The following BFSP1 variants were observed in gnomAD, a reference collection of about 807,000 sequenced individuals.
The protein encoded by BFSP1 is beaded filament structural protein 1.
In BFSP1, 38 loss-of-function variants were observed where a neutral mutation model predicts 43.9. The observed-to-expected ratio is 0.87, with a 90% CI of 0.67 to 1.14. The LOEUF is 1.14. Ranked by LOEUF, BFSP1 falls within the 50% of genes most tolerant of loss-of-function variation. The probability of loss-of-function intolerance (pLI) is 0.00; values close to 1 mark genes in which losing one functional copy is unlikely to be tolerated. For synonymous variants in BFSP1, 352 were observed against 354.8 expected, an observed-to-expected ratio of 0.99 and a Z score of 0.09; for missense variants, 850 against 875.1, an observed-to-expected ratio of 0.97 and a Z score of 0.36.
chr20:17,540,301 G>A (rs1206498856), intron 1 of BFSP1, among the ~76,000 whole-genome samples: 2 of 151,988 alleles, frequency 1.3e-5, no homozygotes, highest in Non-Finnish European at 2.9e-5. Context: ...TGAAATTTAT[G>A]TCATCAGGCT....
At chr20:17,534,249 T>A (rs1251421932), upstream of BFSP1, among the ~76,000 whole-genome samples, 1 of 152,230 alleles carries the variant, frequency 6.6e-6, no homozygotes, top group Non-Finnish European at 1.5e-5. Context: ...CTAAATACAG[T>A]TGAATGGCAC....
intron 6 of BFSP1, among the ~76,000 whole-genome samples, chr20:17,498,304 G>A (rs547640268): frequency 6.6e-6 from 1 of 152,338 alleles, no homozygotes; most frequent in Non-Finnish European, 1.5e-5. Flanking sequence ...TCGACTCACA[G>A]CTCCATTATG....
chr20:17,520,207 C>T (rs1162840530), intron 2 of BFSP1, among the ~76,000 whole-genome samples: 4 of 139,108 alleles, frequency 2.9e-5, no homozygotes, highest in African/African-American at 5.3e-5. Flanking sequence ...TGGGTTTTAA[C>T]GTGCCCCCCC....
intron 1 of BFSP1, among the ~76,000 whole-genome samples, chr20:17,528,005 T>A (rs1447076822): frequency 6.6e-6 from 1 of 152,194 alleles, no homozygotes; most frequent in Non-Finnish European, 1.5e-5. Flanking sequence ...AACTGCCAGG[T>A]AGAGACTATG....
chr20:17,563,946 C>A (rs1356604720), upstream of BFSP1, among the ~76,000 whole-genome samples: 2 of 150,894 alleles, frequency 1.3e-5, no homozygotes, highest in Non-Finnish European at 2.9e-5. Flanking sequence ...CTTCTTACTG[C>A]CTAAAATGTG....
At chr20:17,498,556 C>A (rs970749793) in intron 6 of BFSP1, among the ~76,000 whole-genome samples, 2 of 152,162 alleles carry the variant, frequency 1.3e-5, no homozygotes, top group African/African-American at 4.8e-5. Flanking sequence ...CCTTTTCTGA[C>A]CACCCTACTT....
Position 17,531,339 on chromosome 20 carries a change from G to GGCGCGGGC in BFSP1, c.-18_-11dup, listed in dbSNP as rs1337498937. Reference sequence around the variant, plus strand: ...AGCTGCGCCGGTACATGGCTGCTCTGGCGCGGGCGCGCGGGCGGCGCCGAG... The same window carrying GGCGCGGGC: ...AGCTGCGCCGGTACATGGCTGCTCTGGCGCGGGCGCGCGGGCGCGCGGGCGGCGCCGAG... On this transcript the variant is annotated 5_prime_UTR_variant, in exon 1 of 8. Coordinates refer to ENST00000377873, the MANE Select transcript of BFSP1 (RefSeq NM_001195.5). 8 of 1,390,868 alleles carry GGCGCGGGC rather than the reference G, an allele frequency of 5.8e-6. No individual in the cohort carries two copies. Among genetic ancestry groups the GGCGCGGGC allele is most frequent in the East Asian group, 3.1e-5 (1 of 32,244 alleles). 86.2% of individuals were successfully genotyped at this position (1,390,868 alleles called of 1,614,324 possible).
intron 2 of BFSP1, among the ~76,000 whole-genome samples, chr20:17,520,946 T>TA (rs1250898055): frequency 3.9e-5 from 6 of 152,230 alleles, no homozygotes; most frequent in Non-Finnish European, 7.3e-5. Context: ...TAAATATTTT[T>TA]AAAATTGTTT....
chr20:17,545,147 G>C (rs2034778987), intron 1 of BFSP1, among the ~76,000 whole-genome samples: 1 of 152,156 alleles, frequency 6.6e-6, no homozygotes, highest in African/African-American at 2.4e-5. Context: ...GCAAAAGGGA[G>C]GTAGCACAAG....
At chr20:17,558,107 T>A (rs1279656478) in intron 1 of BFSP1, among the ~76,000 whole-genome samples, 1 of 151,588 alleles carries the variant, frequency 6.6e-6, no homozygotes, top group Admixed American at 6.6e-5. Flanking sequence ...TAGCATCTTA[T>A]ACACACAAAG....
chr20:17,568,284 G>A (rs147063570), intron 1 of BFSP1, among the ~76,000 whole-genome samples: 2 of 152,224 alleles, frequency 1.3e-5, no homozygotes, highest in Non-Finnish European at 2.9e-5. Context: ...CCTAACTCTG[G>A]TGGCAGAGTG....
At chr20:17,504,251 G>A (rs1030971132) in intron 5 of BFSP1, among the ~76,000 whole-genome samples, 1 of 152,326 alleles carries the variant, frequency 6.6e-6, no homozygotes, top group East Asian at 1.9e-4. Flanking sequence ...GCTGAGTCCA[G>A]TGAAGTGATG....
chr20:17,548,886 T>C (rs975801245), intron 1 of BFSP1, among the ~76,000 whole-genome samples: 2 of 152,146 alleles, frequency 1.3e-5, no homozygotes, highest in Non-Finnish European at 2.9e-5. Context: ...TAGCTCACTA[T>C]AGCCTCAAAC....
chr20:17,545,370 TA>T (rs2034783112), intron 1 of BFSP1, among the ~76,000 whole-genome samples: 1 of 152,202 alleles, frequency 6.6e-6, no homozygotes, highest in Admixed American at 6.5e-5. Flanking sequence ...AACAAGGCTG[TA>T]AATTAATTGT....
intron 1 of BFSP1, among the ~76,000 whole-genome samples, chr20:17,526,879 A>C (rs1202247065): frequency 6.6e-6 from 1 of 152,194 alleles, no homozygotes; most frequent in Non-Finnish European, 1.5e-5. Flanking sequence ...AATTGGTCTG[A>C]AGTGGGTCAA....
At chr20:17,559,608 C>T (rs112576055), upstream of BFSP1, among the ~76,000 whole-genome samples, 1,129 of 152,246 alleles carry the variant, frequency 7.4e-3, 14 homozygotes, top group African/African-American at 0.026. Flanking sequence ...TGGTCTGTGG[C>T]CTGTTAGGAA....
At chr20:17,530,931 T>TC in intron 1 of BFSP1, 22 bp downstream of exon 1, 2 of 1,393,428 alleles carry the variant, frequency 1.4e-6, no homozygotes, top group Admixed American at 3.1e-5. Flanking sequence ...TGCCTCGGTT[T>TC]CCCCCGATGG....
At position 17,514,732 on chromosome 20, in the gene BFSP1, T is replaced by G; in HGVS notation, c.523A>C (p.Arg175=). The G allele has an allele frequency of 6.2e-7, 1 of 1,613,986 alleles. No individual in the cohort carries two copies. Among genetic ancestry groups the G allele is most frequent in the African/African-American group, 1.3e-5 (1 of 75,062 alleles). ...GGGGTCATGATTACCTTCTTGTGCC[T>G]GTCCTTTGCCGCACTGATATCATCT... is the stretch of plus-strand genomic sequence containing the variant. ...LQDDISAAKD[R]HKKNLLEVQT... The change falls in exon 3 of 8, where the codon AGG becomes CGG. Residue 175 remains arginine, a synonymous_variant. Transcript: ENST00000377873.
At chr20:17,563,747 G>T (rs1046576869), upstream of BFSP1, among the ~76,000 whole-genome samples, 2 of 151,892 alleles carry the variant, frequency 1.3e-5, no homozygotes, top group Non-Finnish European at 2.9e-5. Flanking sequence ...TTAGCTGGGG[G>T]CAGTGGTGTG....
Sources: allele counts gnomAD v4.1 joint callset (sites outside exome capture counted in the v4.1 genomes callset), GRCh38; gene constraint gnomAD v4.1.1; transcripts MANE v1.5; gene names NCBI Gene and HGNC (gene_info 2026-07-23, HGNC 2026-07-21).